The following EML5 variants were observed in gnomAD, a reference collection of about 807,000 sequenced individuals.
EML5 encodes the protein echinoderm microtubule-associated protein-like 5.
In EML5, 120 loss-of-function variants were observed where a neutral mutation model predicts 250.0. The ratio of observed to expected loss-of-function variants is 0.48; its 90% confidence interval spans 0.41 to 0.56. The LOEUF is 0.56. Among genes scored for constraint, EML5 ranks in the 20% least tolerant of loss-of-function variants. EML5 has a pLI of 0.00. For missense variants in EML5, 2,006 were observed against 2,437.6 expected, an observed-to-expected ratio of 0.82 and a Z score of 3.73; for synonymous variants, 771 against 806.5, an observed-to-expected ratio of 0.96 and a Z score of 0.75.
Position 88,615,114 on chromosome 14 carries a change from T to G in EML5, c.*704A>C, listed in dbSNP as rs1158269413. The G allele has an allele frequency of 2.0e-5, 3 of 152,212 alleles. No individual in the cohort carries two copies. Among genetic ancestry groups the G allele is most frequent in the Non-Finnish European group, 4.4e-5 (3 of 68,030 alleles). The allele number at this position is 152,212 out of a possible 1,614,324, so 9.4% of individuals were successfully genotyped here. ...CTACAGTTATGTTTTAAATGTGCGA[T>G]TACAGAGATGGCATCTGAACATAAA... On this transcript the variant is annotated 3_prime_UTR_variant, in exon 44 of 44. Transcript: ENST00000554922.
Position 88,715,162 on chromosome 14 carries a change from C to T in EML5, c.1221G>A (p.Arg407=), listed in dbSNP as rs2093471138. The change falls in exon 9 of 44, where the codon AGG becomes AGA. Residue 407 remains arginine (R), a synonymous_variant. Transcript: ENST00000554922. ...DMTEVVHIKD[R]KEAIHELKYS... ...ATTTTAACTCATGAATTGCCTCCTT[C>T]CTATCTTTAATATGTACAACTTCCG... The T allele has an allele frequency of 5.0e-6, 8 of 1,604,316 alleles. No individual in the cohort carries two copies. Among genetic ancestry groups the T allele is most frequent in the Non-Finnish European group, 6.0e-6 (7 of 1,174,872 alleles).
Position 88,676,077 on chromosome 14 carries a change from A to G in EML5, c.3124+5813T>C, listed in dbSNP as rs149685212. On this transcript the variant is annotated intron_variant, in intron 21 of 43. Transcript: ENST00000554922. Reference sequence around the variant, plus strand: ...GTTCCAAACTTTCTTACATTTTCCTATCTGCTTCTGAGCCCTCCAAACTGT... The same window carrying G: ...GTTCCAAACTTTCTTACATTTTCCTGTCTGCTTCTGAGCCCTCCAAACTGT... 1.3e-3 allele frequency among the ~76,000 whole-genome samples: 197 copies of G among 152,180 alleles called. 1 individual carries two copies. In the East Asian group the frequency reaches 0.016, roughly 12 times the overall value.
intron 1 of EML5, among the ~76,000 whole-genome samples, chr14:88,773,877 G>C (rs2094420611): frequency 6.6e-6 from 1 of 152,118 alleles, no homozygotes; most frequent in Non-Finnish European, 1.5e-5. Flanking sequence ...CTAGCATTTT[G>C]GGAGGCCAAG....
At chr14:88,769,187 C>T (rs1273776984) in intron 1 of EML5, among the ~76,000 whole-genome samples, 1 of 152,150 alleles carries the variant, frequency 6.6e-6, no homozygotes. Flanking sequence ...GAAATGTAAT[C>T]CCCAATGCTG....
chr14:88,722,453 T>C lies in EML5; in HGVS notation c.1187+4088A>G, dbSNP rs553477939. ...GCAGCCATAAAAAGGAAGGAGATCA[T>C]GTCCTTTGCAGGGACATGGATGGAG... On this transcript the variant is annotated intron_variant, in intron 8 of 43. Transcript: ENST00000554922. Among the ~76,000 whole-genome samples the C allele has an allele frequency of 5.3e-5, 8 of 152,338 alleles. No homozygotes were observed. In the South Asian group the frequency reaches 1.4e-3, roughly 28 times the overall value.
chr14:88,618,944 A>T, intron 39 of EML5, 132 bp from the exon 40 acceptor site: 1 of 786,518 alleles, frequency 1.3e-6, no homozygotes, highest in East Asian at 2.7e-5. Context: ...CCTGTCAGAC[A>T]CAACTGATCA....
chr14:88,703,226 A>T (rs2093251491), intron 13 of EML5, among the ~76,000 whole-genome samples: 1 of 152,208 alleles, frequency 6.6e-6, no homozygotes, highest in African/African-American at 2.4e-5. Flanking sequence ...TAAAACAAAA[A>T]CAATTGCTTT....
At chr14:88,617,047 ACTC>A in intron 41 of EML5, 168 bp from the exon 42 acceptor site, 1 of 492,248 alleles carries the variant, frequency 2.0e-6, no homozygotes, top group Non-Finnish European at 3.5e-6. Context: ...CAGGATATCA[ACTC>A]CTGCCTTTTA....
At chr14:88,627,594 C>T (rs2090101080) in intron 34 of EML5, 52 bp downstream of exon 34, 1 of 1,519,696 alleles carries the variant, frequency 6.6e-7, no homozygotes, top group Non-Finnish European at 8.9e-7. Context: ...AGAATTCCTA[C>T]TACCTTTGTA....
chr14:88,722,615 G>C (rs1282737628), intron 8 of EML5, among the ~76,000 whole-genome samples: 1 of 152,004 alleles, frequency 6.6e-6, no homozygotes, highest in South Asian at 2.1e-4. Flanking sequence ...GCCTTTGGGG[G>C]TGGGGTGAGG....
intron 1 of EML5, among the ~76,000 whole-genome samples, chr14:88,773,757 G>A (rs1268066917): frequency 6.6e-6 from 1 of 152,190 alleles, no homozygotes; most frequent in African/African-American, 2.4e-5. Flanking sequence ...CCAGGGTTGA[G>A]AATCAGGAAT....
chr14:88,712,227 T>G, intron 10 of EML5, 44 bp downstream of exon 10: 1 of 1,380,904 alleles, frequency 7.2e-7, no homozygotes, highest in Non-Finnish European at 1.0e-6. Context: ...CACGAAAGTC[T>G]TCTGTGAGAG....
At chr14:88,736,098 T>A (rs2093836160) in intron 7 of EML5, among the ~76,000 whole-genome samples, 2 of 151,564 alleles carry the variant, frequency 1.3e-5, no homozygotes. Flanking sequence ...CCTCCTGGGT[T>A]CAAGCGATTC....
intron 33 of EML5, among the ~76,000 whole-genome samples, chr14:88,631,639 AGT>A (rs2090444060): frequency 6.6e-6 from 1 of 152,162 alleles, no homozygotes; most frequent in Non-Finnish European, 1.5e-5. Context: ...GCGTGGTGGC[AGT>A]CGCCTGTAAT....
chr14:88,685,947 ATATT>A (rs1222786183), intron 19 of EML5, among the ~76,000 whole-genome samples: 2 of 152,142 alleles, frequency 1.3e-5, no homozygotes, highest in African/African-American at 4.8e-5. Context: ...AGGGCCAACT[ATATT>A]TATTTATGTC....
At chr14:88,651,407 A>G (rs2091620100) in intron 27 of EML5, among the ~76,000 whole-genome samples, 1 of 152,122 alleles carries the variant, frequency 6.6e-6, no homozygotes, top group African/African-American at 2.4e-5. Context: ...CATGAGTAGT[A>G]AAATATTTCC....
At chr14:88,787,423 C>T (rs1362421361) in intron 1 of EML5, among the ~76,000 whole-genome samples, 3 of 152,254 alleles carry the variant, frequency 2.0e-5, no homozygotes, top group Middle Eastern at 3.4e-3. Context: ...CATTATTCCA[C>T]GTTTTCCTTA....
chr14:88,771,869 C>T (rs145726540), intron 1 of EML5, among the ~76,000 whole-genome samples: 1 of 152,292 alleles, frequency 6.6e-6, no homozygotes, highest in African/African-American at 2.4e-5. Context: ...ATCTCCTGCA[C>T]CCCACCTCTG....
intron 2 of EML5, among the ~76,000 whole-genome samples, chr14:88,748,239 G>GTC (rs760679438): frequency 4.6e-5 from 7 of 152,156 alleles, no homozygotes; most frequent in Non-Finnish European, 1.0e-4. Flanking sequence ...ACTCTATGAG[G>GTC]TCATGCAAAG....
Sources: gnomAD v4.1 joint callset for allele counts (sites outside exome capture counted in the v4.1 genomes callset) on GRCh38, gnomAD v4.1.1 for gene constraint, MANE v1.5 for transcripts, NCBI Gene and HGNC (gene_info 2026-07-23, HGNC 2026-07-21) for gene names.